Variants in NDOR1 observed in about 807,000 individuals in gnomAD.
NDOR1 encodes the protein NADPH dependent diflavin oxidoreductase 1.
A neutral mutation model predicts 67.2 loss-of-function variants in NDOR1; 61 were observed. The ratio of observed to expected loss-of-function variants is 0.91; its 90% CI spans 0.74 to 1.12. NDOR1 has a LOEUF of 1.12. NDOR1 is among the 50% of genes most tolerant of loss of function. The pLI, the probability that NDOR1 is intolerant of heterozygous loss-of-function variation, is 0.00. For synonymous variants in NDOR1, 378 were observed against 343.7 expected, an observed-to-expected ratio of 1.10 and a Z score of -1.10; for missense variants, 878 against 802.8, an observed-to-expected ratio of 1.09 and a Z score of -1.13.
chr9:137,215,577 C>T, intron 10 of NDOR1, 56 bp downstream of exon 10: 7 of 1,608,702 alleles, frequency 4.4e-6, no homozygotes, highest in Non-Finnish European at 2.5e-6. Flanking sequence ...CTCTCCCATG[C>T]TCATGCAAAT....
Position 137,217,767 on chromosome 9 carries a change from CCTCCTATCCTGA to C in NDOR1, c.*1357_*1368del. 1 of 359,040 alleles carries C rather than the reference CCTCCTATCCTGA, an allele frequency of 2.8e-6. No homozygotes were observed. The highest frequency in any genetic ancestry group is 4.8e-6 in the Non-Finnish European group (1 of 208,000). 22.2% of individuals were successfully genotyped at this position (359,040 alleles called of 1,614,324 possible). Reference sequence around the variant, plus strand: ...CCTGTCGCCGCCCTGGGGTCCCTGTCCTCCTATCCTGACTCCTGCCCCAGGGCCACCACCCCT... The same window carrying C: ...CCTGTCGCCGCCCTGGGGTCCCTGTCCTCCTGCCCCAGGGCCACCACCCCT... On this transcript the variant is annotated 3_prime_UTR_variant, in exon 14 of 14. Coordinates refer to ENST00000684003, the MANE Select transcript of NDOR1 (RefSeq NM_014434.4).
At position 137,217,965 on chromosome 9, in the gene NDOR1, C is replaced by T; in HGVS notation, c.*1549C>T. On this transcript the variant is annotated 3_prime_UTR_variant, in exon 14 of 14. Coordinates refer to ENST00000684003, the MANE Select transcript of NDOR1 (RefSeq NM_014434.4). Reference sequence around the variant, plus strand: ...GGGCACCCCCAAGGTGCTGAGACTACAGCCAGTGAGCCCCTGCTGGGGGCC... The same window carrying T: ...GGGCACCCCCAAGGTGCTGAGACTATAGCCAGTGAGCCCCTGCTGGGGGCC... 1 of 398,792 alleles carries T rather than the reference C, an allele frequency of 2.5e-6. No homozygotes were observed. The highest frequency in any genetic ancestry group is 4.4e-6 in the Non-Finnish European group (1 of 226,180). 24.7% of individuals were successfully genotyped at this position (398,792 alleles called of 1,614,324 possible). A position where few individuals can be genotyped will look rare whatever the true frequency, so the allele number is the denominator to read the frequency against.
rs1194824372 is a variant in NDOR1 at position 137,215,893 on chromosome 9, C to T, written c.1436-6C>T. On this transcript the variant is annotated splice_region_variant and splice_polypyrimidine_tract_variant and intron_variant, in intron 11 of 13. Coordinates refer to ENST00000684003, the MANE Select transcript of NDOR1 (RefSeq NM_014434.4). The stretch of plus-strand genomic sequence containing the variant: ...CTGTGGCCAAGAGCACCCTGTATTT[C>T]CCTAGGAAACTTCTTGTTTTTTGGC... The T allele has an allele frequency of 1.9e-6, 3 of 1,613,314 alleles. No homozygotes were observed. The highest frequency in any genetic ancestry group is 1.6e-4 in the Middle Eastern group (1 of 6,062).
chr9:137,209,432 C>T (rs879615940), intron 2 of NDOR1, among the ~76,000 whole-genome samples: 3 of 152,128 alleles, frequency 2.0e-5, no homozygotes, highest in African/African-American at 7.2e-5. Context: ...TTCAGTCAGC[C>T]AGTGGCAGGA....
In NDOR1 at chr9:137,216,648, CAGTG is replaced by C. The variant is rs1276850173; in HGVS notation, c.*235_*238del. The C allele has an allele frequency of 2.0e-5, 12 of 589,730 alleles. No individual in the cohort carries two copies. The highest frequency in any genetic ancestry group is 1.4e-4 in the South Asian group (7 of 49,924). The allele number at this position is 589,730 out of a possible 1,614,324, so 36.5% of individuals were successfully genotyped here. ...CCAGCCCTGCGCTCCCCCACCCTGA[CAGTG>C]AGCTGTGTCCTCGTCCCCCCACCCC... On this transcript the variant is annotated 3_prime_UTR_variant, in exon 14 of 14. Coordinates refer to ENST00000684003, the MANE Select transcript of NDOR1 (RefSeq NM_014434.4).
intron 1 of NDOR1, 95 bp downstream of exon 1, chr9:137,206,007 G>C: frequency 6.7e-7 from 1 of 1,486,078 alleles, no homozygotes; most frequent in Non-Finnish European, 8.9e-7. Flanking sequence ...CATTTTCTCT[G>C]AGAGCGGGTC....
At chr9:137,206,429 AT>A (rs1834969558) in intron 2 of NDOR1, 120 bp downstream of exon 2, 2 of 1,078,916 alleles carry the variant, frequency 1.9e-6, no homozygotes, top group African/African-American at 1.6e-5. Context: ...TCAGAGGTGG[AT>A]TTGAGAGAAC....
chr9:137,211,375 TG>T (rs1835248935), intron 2 of NDOR1, among the ~76,000 whole-genome samples: 2 of 152,138 alleles, frequency 1.3e-5, no homozygotes, highest in South Asian at 4.1e-4. Flanking sequence ...GGCATGTCAC[TG>T]TGGGTTTAGC....
chr9:137,213,964 C>T lies in NDOR1; in HGVS notation c.411-3C>T. On this transcript the variant is annotated splice_region_variant and splice_polypyrimidine_tract_variant and intron_variant, in intron 4 of 13. Transcript: ENST00000684003. ...TCAGGCCAGCGCACGTGCTCCCTCC[C>T]AGGCCCGACGCTGCTGTGGACCCCT... 1.3e-6 allele frequency: 2 copies of T among 1,563,534 alleles called. No homozygotes were observed. Among genetic ancestry groups the T allele is most frequent in the Non-Finnish European group, 1.7e-6 (2 of 1,155,280 alleles).
In NDOR1 at chr9:137,206,081, G is replaced by A. The variant is rs113763387; in HGVS notation, c.136-151G>A. Reference sequence around the variant, plus strand: ...GGGGAGTTCAGTTTAGCACCTGGAGGAGGTTGGAACCTGAAAGAGAAGACG... The same window carrying A: ...GGGGAGTTCAGTTTAGCACCTGGAGAAGGTTGGAACCTGAAAGAGAAGACG... On this transcript the variant is annotated intron_variant, in intron 1 of 13. Coordinates refer to ENST00000684003, the MANE Select transcript of NDOR1 (RefSeq NM_014434.4). The A allele has an allele frequency of 2.7e-5, 38 of 1,423,698 alleles. No individual in the cohort carries two copies. The African/African-American group carries it at 4.2e-4, about 16-fold the overall frequency. The allele number at this position is 1,423,698 out of a possible 1,614,324, so 88.2% of individuals were successfully genotyped here.
In NDOR1 at chr9:137,212,549, C is replaced by A; in HGVS notation, c.261C>A (p.Leu87=). 6.2e-7 allele frequency: 1 copy of A among 1,614,132 alleles called. No homozygotes were observed. Among genetic ancestry groups the A allele is most frequent in the Non-Finnish European group, 8.5e-7 (1 of 1,179,992 alleles). Residue 87 remains leucine (L), a synonymous_variant, in exon 3 of 14, where the codon CTC becomes CTA. Transcript: ENST00000684003. The surrounding 1 kb of genome is among the most constrained non-coding windows in gnomAD (Gnocchi z 4.3). ...GGAAGAACCTGCCCTCCACTGCCCT[C>A]TGTCAGATGGACTTTGCCGTCCTGG... is the stretch of plus-strand genomic sequence containing the variant. The part of the protein sequence containing the change: ...IFRKNLPSTA[L]CQMDFAVLGL...
In NDOR1 at chr9:137,216,360, G is replaced by T; in HGVS notation, c.1738G>T (p.Ala580Ser). 1.2e-6 allele frequency: 2 copies of T among 1,608,778 alleles called. No individual in the cohort carries two copies. The highest frequency in any genetic ancestry group is 1.7e-6 in the Non-Finnish European group (2 of 1,179,916). ...TGGACTCTGCAGCCCGGACGCAGCCGCGTATCTAGCCAGGCTCCAGCAGAC... is the reference window on the plus strand; with the variant it reads ...TGGACTCTGCAGCCCGGACGCAGCCTCGTATCTAGCCAGGCTCCAGCAGAC... ...EGGLCSPDAA[A>S]YLARLQQTRR... is the part of the protein sequence containing the mutation. Residue 580 changes from alanine (A) to serine (S), a missense_variant, in exon 14 of 14, where the codon GCG (alanine) becomes TCG (serine). By Grantham distance (99) the Ala-to-Ser change is moderately conservative. Transcript: ENST00000684003.
chr9:137,210,389 A>ATT (rs753559774), intron 2 of NDOR1, among the ~76,000 whole-genome samples: 125 of 142,700 alleles, frequency 8.8e-4, no homozygotes, highest in Non-Finnish European at 1.3e-3. Context: ...CATGCAACTA[A>ATT]TTTTTTTTTT....
At chr9:137,216,249 C>T (rs376077637) in intron 13 of NDOR1, 23 bp from the exon 14 acceptor site, 80 of 1,612,784 alleles carry the variant, frequency 5.0e-5, no homozygotes, top group Non-Finnish European at 6.4e-5. Flanking sequence ...CCTCATTGCG[C>T]CTTCTGCGAC....
rs1835719660 is a variant in NDOR1 at position 137,218,185 on chromosome 9, C to T, written c.*1769C>T. 5.0e-6 allele frequency: 2 copies of T among 398,430 alleles called. No individual in the cohort carries two copies. The highest frequency in any genetic ancestry group is 8.8e-6 in the Non-Finnish European group (2 of 226,034). The allele number at this position is 398,430 out of a possible 1,614,324, so 24.7% of individuals were successfully genotyped here. ...TGCACAGGCTGCTGGGCTCGGCCTC[C>T]AGTGCCGACCTGGGCCGGGTGCGCT... On this transcript the variant is annotated 3_prime_UTR_variant, in exon 14 of 14. Coordinates refer to ENST00000684003, the MANE Select transcript of NDOR1 (RefSeq NM_014434.4).
Position 137,218,494 on chromosome 9 carries a change from G to C in NDOR1, c.*2078G>C, listed in dbSNP as rs1457398883. The C allele has an allele frequency of 1.3e-5, 5 of 398,174 alleles. No homozygotes were observed. Among genetic ancestry groups the C allele is most frequent in the Non-Finnish European group, 2.2e-5 (5 of 226,916 alleles). 24.7% of individuals were successfully genotyped at this position (398,174 alleles called of 1,614,324 possible). A position where few individuals can be genotyped will look rare whatever the true frequency, so the allele number is the denominator to read the frequency against. On this transcript the variant is annotated 3_prime_UTR_variant, in exon 14 of 14. Coordinates refer to ENST00000684003, the MANE Select transcript of NDOR1 (RefSeq NM_014434.4). ...AGCGGGGACCCTGTGCCCGCCGCCT[G>C]GCGCTGCTGAGCCTGCTGGCCCTTG...
rs772838517 is a variant in NDOR1 at position 137,214,314 on chromosome 9, C to G, written c.623C>G (p.Pro208Arg). The change falls in exon 6 of 14, where the codon CCC (proline) becomes CGC (arginine). Residue 208 changes from proline (P) to arginine (R), a missense_variant. Transcript: ENST00000684003. ...GSQEPPSESK[P>R]FLAPMISNQR... ...CAGGAGCCCCCGTCAGAGTCGAAGCCCTTCCTAGCACCCATGATCTCCAAC... is the reference window on the plus strand; with the variant it reads ...CAGGAGCCCCCGTCAGAGTCGAAGCGCTTCCTAGCACCCATGATCTCCAAC... 1 of 1,614,128 alleles carries G rather than the reference C, an allele frequency of 6.2e-7. No individual in the cohort carries two copies. The highest frequency in any genetic ancestry group is 2.2e-5 in the East Asian group (1 of 44,880).
In NDOR1 at chr9:137,213,684, C is replaced by T. The variant is rs1471252871; in HGVS notation, c.312-96C>T. The T allele has an allele frequency of 3.2e-6, 4 of 1,268,796 alleles. No individual in the cohort carries two copies. In the Admixed American group the frequency reaches 1.0e-4, roughly 32 times the overall value. 78.6% of individuals were successfully genotyped at this position (1,268,796 alleles called of 1,614,324 possible). ...CGAGGGAGGCCCTCCCCAGGCTCCACTCTTCGCCCGGGCTCCACTCTCCCG... is the reference window on the plus strand; with the variant it reads ...CGAGGGAGGCCCTCCCCAGGCTCCATTCTTCGCCCGGGCTCCACTCTCCCG... On this transcript the variant is annotated intron_variant, in intron 3 of 13. Coordinates refer to ENST00000684003, the MANE Select transcript of NDOR1 (RefSeq NM_014434.4).
chr9:137,214,780 C>T lies in NDOR1; in HGVS notation c.845-18C>T, dbSNP rs970223716. On this transcript the variant is annotated intron_variant, in intron 7 of 13. Transcript: ENST00000684003. ...GGGCTCCGCCGCAGCCCACGGAGGC[C>T]TCCCACTCACCCTGCAGATGTCTCC... 1.9e-6 allele frequency: 3 copies of T among 1,598,542 alleles called. No homozygotes were observed. The highest frequency in any genetic ancestry group is 1.1e-5 in the South Asian group (1 of 90,988).
Sources: allele counts gnomAD v4.1 joint callset (sites outside exome capture counted in the v4.1 genomes callset), GRCh38; gene constraint gnomAD v4.1.1; non-coding constraint Gnocchi (gnomAD v3.1); transcripts MANE v1.5; gene names NCBI Gene and HGNC (gene_info 2026-07-23, HGNC 2026-07-21).